Variants in ZNF385D observed in about 807,000 individuals in gnomAD.
ZNF385D encodes the protein zinc finger protein 659.
ZNF385D carries 15 observed loss-of-function variants against 35.8 expected under a neutral mutation model. The ratio of observed to expected loss-of-function variants is 0.42; its 90% CI spans 0.28 to 0.64. The LOEUF (loss-of-function observed/expected upper bound fraction) is 0.64. Among genes scored for constraint, ZNF385D ranks in the 30% least tolerant of loss-of-function variants. The pLI is 0.23. For missense variants in ZNF385D, 474 were observed against 494.6 expected (o/e 0.96, Z 0.39); for synonymous variants, 212 against 186.8 (o/e 1.13, Z -1.10).
intron 1 of ZNF385D, among the ~76,000 whole-genome samples, chr3:21,720,758 G>T (rs762829801): frequency 6.6e-6 from 1 of 152,058 alleles, no homozygotes; most frequent in Non-Finnish European, 1.5e-5. Flanking sequence ...TTTCTGATTG[G>T]CTATGTTAAC....
intron 3 of ZNF385D, among the ~76,000 whole-genome samples, chr3:22,009,055 G>C (rs1466113381): frequency 6.6e-6 from 1 of 152,112 alleles, no homozygotes; most frequent in Admixed American, 6.5e-5. Context: ...AACAAGGGAG[G>C]AACTATACAC....
intron 4 of ZNF385D, among the ~76,000 whole-genome samples, chr3:21,438,116 G>A (rs1559447642): frequency 6.6e-6 from 1 of 152,130 alleles, no homozygotes; most frequent in Admixed American, 6.6e-5. Flanking sequence ...ACTTGGGTAT[G>A]CACAGCTCCC....
intron 2 of ZNF385D, among the ~76,000 whole-genome samples, chr3:22,176,226 C>T (rs946059486): frequency 7.9e-5 from 12 of 151,998 alleles, no homozygotes; most frequent in Non-Finnish European, 1.0e-4. Context: ...GCACAGCTAA[C>T]GAACTCACCA....
intron 2 of ZNF385D, among the ~76,000 whole-genome samples, chr3:22,281,533 C>T (rs577863624): frequency 1.3e-5 from 2 of 152,092 alleles, no homozygotes; most frequent in African/African-American, 4.8e-5. Context: ...CGTGGTATAT[C>T]ACATTTACTG....
chr3:22,126,517 A>G (rs1239137696), intron 3 of ZNF385D, among the ~76,000 whole-genome samples: 1 of 151,808 alleles, frequency 6.6e-6, no homozygotes, highest in Non-Finnish European at 1.5e-5. Context: ...ATTGGTTTCT[A>G]GTTTTATTCC....
chr3:22,066,461 C>CGTGTCT (rs1699958989), intron 3 of ZNF385D, among the ~76,000 whole-genome samples: 1 of 98,112 alleles, frequency 1.0e-5, no homozygotes, highest in African/African-American at 4.2e-5. Context: ...GATGGTTCCC[C>CGTGTCT]GTGTGTGTGT....
At chr3:22,081,523 A>G (rs1485925699) in intron 3 of ZNF385D, among the ~76,000 whole-genome samples, 2 of 152,198 alleles carry the variant, frequency 1.3e-5, no homozygotes, top group African/African-American at 4.8e-5. Context: ...CCATTCACCA[A>G]AACAGTTTCC....
chr3:21,456,459 C>T (rs907518307), intron 4 of ZNF385D, among the ~76,000 whole-genome samples: 1 of 152,088 alleles, frequency 6.6e-6, no homozygotes, highest in African/African-American at 2.4e-5. Context: ...AGCTGGAAAC[C>T]ATCACTCTCA....
rs1695403824 is a variant in ZNF385D at position 22,183,260 on chromosome 3, TAAATTATCTTAA to T, written c.107-14237_107-14226del. On this transcript the variant is annotated intron_variant, in intron 2 of 5. Coordinates refer to the ZNF385D transcript ENST00000494108. The stretch of plus-strand genomic sequence containing the variant: ...GTCATCTAACTCGGGTAGTTAAAAT[TAAATTATCTTAA>T]AAATTATCTTAAAGGTAACAGTATG... 3.9e-5 allele frequency among the ~76,000 whole-genome samples: 6 copies of T among 152,324 alleles called. No homozygotes were observed. The South Asian group carries it at 1.2e-3, about 32-fold the overall frequency.
intron 2 of ZNF385D, among the ~76,000 whole-genome samples, chr3:22,263,116 G>T (rs1028377926): frequency 6.6e-6 from 1 of 151,760 alleles, no homozygotes; most frequent in Non-Finnish European, 1.5e-5. Flanking sequence ...CTCCTTTCTT[G>T]GCTCCCCTCC....
chr3:21,435,660 C>T (rs193029253), intron 5 of ZNF385D, among the ~76,000 whole-genome samples: 9 of 152,122 alleles, frequency 5.9e-5, no homozygotes, highest in South Asian at 2.1e-4. Context: ...AGTCACTATG[C>T]GGAATGACCA....
intron 2 of ZNF385D, among the ~76,000 whole-genome samples, chr3:22,209,829 T>G (rs17595513): frequency 0.15 from 22,296 of 151,680 alleles, 1,883 homozygotes; most frequent in Non-Finnish European, 0.18. Flanking sequence ...TCAGAATATA[T>G]GTGGTGATTA....
At chr3:22,202,446 C>T (rs1219168842) in intron 2 of ZNF385D, among the ~76,000 whole-genome samples, 1 of 151,974 alleles carries the variant, frequency 6.6e-6, no homozygotes, top group Non-Finnish European at 1.5e-5. Context: ...AGGTGAGTAA[C>T]AACAGGGTGG....
At chr3:21,915,693 G>C (rs891570068) in intron 3 of ZNF385D, among the ~76,000 whole-genome samples, 1 of 152,066 alleles carries the variant, frequency 6.6e-6, no homozygotes, top group African/African-American at 2.4e-5. Context: ...AAACCAATAA[G>C]TAGGTCAATT....
chr3:21,900,052 T>A (rs1699323175), intron 3 of ZNF385D, among the ~76,000 whole-genome samples: 1 of 152,184 alleles, frequency 6.6e-6, no homozygotes, highest in Admixed American at 6.6e-5. Flanking sequence ...CTTGAGAAAC[T>A]GCACTAAGAG....
chr3:22,216,296 C>A (rs1262324246), intron 2 of ZNF385D, among the ~76,000 whole-genome samples: 1 of 152,004 alleles, frequency 6.6e-6, no homozygotes, highest in African/African-American at 2.4e-5. Flanking sequence ...TATAAATATT[C>A]AGTTTACAGC....
chr3:22,096,067 G>A (rs751791510), intron 3 of ZNF385D, among the ~76,000 whole-genome samples: 49 of 152,026 alleles, frequency 3.2e-4, no homozygotes, highest in Non-Finnish European at 4.6e-4. Flanking sequence ...ATGTGAAGCA[G>A]AAACTTAGCC....
At chr3:21,587,942 TA>T (rs1553618397) in intron 2 of ZNF385D, among the ~76,000 whole-genome samples, 1 of 152,162 alleles carries the variant, frequency 6.6e-6, no homozygotes. Flanking sequence ...TGAAGGTTTT[TA>T]AAAAGGTAGG....
At chr3:22,291,113 G>A (rs1224012002) in intron 2 of ZNF385D, among the ~76,000 whole-genome samples, 1 of 152,078 alleles carries the variant, frequency 6.6e-6, no homozygotes, top group Non-Finnish European at 1.5e-5. Flanking sequence ...CATATGAAAT[G>A]GGGAGGAGGG....
Sources: gnomAD v4.1 joint callset for allele counts (sites outside exome capture counted in the v4.1 genomes callset) on GRCh38, gnomAD v4.1.1 for gene constraint, MANE v1.5 for transcripts, NCBI Gene and HGNC (gene_info 2026-07-23, HGNC 2026-07-21) for gene names.